Variants in PCGF5 observed in about 807,000 individuals in gnomAD.
The protein encoded by PCGF5 is polycomb group ring finger 5.
Under a neutral mutation model 44.3 loss-of-function variants are expected in PCGF5, and 9 were observed. The observed-to-expected ratio is 0.20, with a 90% CI of 0.12 to 0.35. PCGF5 has a LOEUF of 0.35. Among genes scored for constraint, PCGF5 ranks in the 10% least tolerant of loss-of-function variants. PCGF5 has a pLI of 1.00. For missense variants in PCGF5, 146 were observed against 305.3 expected (o/e 0.48, Z 3.89); for synonymous variants, 95 against 102.5 (o/e 0.93, Z 0.44).
chr10:91,198,316 T>A (rs1433265626), intron 1 of PCGF5, among the ~76,000 whole-genome samples: 2 of 152,240 alleles, frequency 1.3e-5, no homozygotes, highest in African/African-American at 4.8e-5. Flanking sequence ...ACCTTGGACA[T>A]CAGCATCGTT....
chr10:91,229,954 A>G (rs1476657702), intron 2 of PCGF5, among the ~76,000 whole-genome samples: 1 of 152,194 alleles, frequency 6.6e-6, no homozygotes, highest in African/African-American at 2.4e-5. Context: ...TCATTCATGA[A>G]AATGATTATA....
intron 8 of PCGF5, among the ~76,000 whole-genome samples, chr10:91,268,488 G>A (rs73312470): frequency 0.038 from 5,806 of 152,056 alleles, 356 homozygotes; most frequent in African/African-American, 0.13. Context: ...GCATCTTTGC[G>A]GGTTTTTTAT....
chr10:91,197,463 C>T (rs1437396416), intron 1 of PCGF5, among the ~76,000 whole-genome samples: 2 of 152,148 alleles, frequency 1.3e-5, no homozygotes, highest in African/African-American at 4.8e-5. Flanking sequence ...TTCCTGTGGT[C>T]CGGGCATTGT....
intron 1 of PCGF5, among the ~76,000 whole-genome samples, chr10:91,213,531 C>T (rs578171682): frequency 1.3e-5 from 2 of 152,136 alleles, no homozygotes; most frequent in South Asian, 2.1e-4. Context: ...ATGGCGTGAT[C>T]TTGGCTCACT....
intron 9 of PCGF5, among the ~76,000 whole-genome samples, chr10:91,276,968 G>C (rs1024863528): frequency 7.2e-5 from 11 of 152,180 alleles, no homozygotes; most frequent in African/African-American, 2.4e-4. Context: ...ATCTGATTCA[G>C]GGGGAACTAA....
At chr10:91,245,413 G>T (rs1419443620) in intron 3 of PCGF5, among the ~76,000 whole-genome samples, 2 of 151,706 alleles carry the variant, frequency 1.3e-5, no homozygotes, top group Non-Finnish European at 2.9e-5. Flanking sequence ...AGGAGGGAGA[G>T]GAATTAGCAA....
the PCGF5 span, among the ~76,000 whole-genome samples, chr10:91,156,532 C>A: frequency 6.6e-6 from 1 of 152,154 alleles, no homozygotes; most frequent in Non-Finnish European, 1.5e-5. Context: ...GTTCTATCCA[C>A]GAGAAAGCCC....
intron 9 of PCGF5, among the ~76,000 whole-genome samples, chr10:91,277,382 A>G (rs1024805362): frequency 2.0e-5 from 3 of 152,242 alleles, no homozygotes; most frequent in Non-Finnish European, 4.4e-5. Context: ...TGATTCCATA[A>G]AAGTAGCTCC....
At chr10:91,236,736 A>G (rs913198644) in intron 2 of PCGF5, among the ~76,000 whole-genome samples, 4 of 152,230 alleles carry the variant, frequency 2.6e-5, no homozygotes, top group Non-Finnish European at 1.5e-5. Flanking sequence ...TGGGAAACCA[A>G]ATCCTCATTT....
At chr10:91,216,729 G>A (rs1844548227), upstream of PCGF5, among the ~76,000 whole-genome samples, 1 of 152,184 alleles carries the variant, frequency 6.6e-6, no homozygotes, top group South Asian at 2.1e-4. Context: ...TTATTGGATT[G>A]TGGGAGAGGG....
intron 1 of PCGF5, among the ~76,000 whole-genome samples, chr10:91,190,538 A>G (rs1332061673): frequency 7.2e-5 from 11 of 152,236 alleles, no homozygotes; most frequent in Non-Finnish European, 1.3e-4. Flanking sequence ...GATTCTGGAA[A>G]GTTATGAAAC....
rs185615722 is a variant in PCGF5, at chr10:91,279,741, C to T, written c.*1425C>T. 383 of 152,158 alleles carry T rather than the reference C, an allele frequency of 2.5e-3. 3 individuals carry two copies. The highest frequency in any genetic ancestry group is 8.5e-3 in the African/African-American group (355 of 41,544). 9.4% of individuals were successfully genotyped at this position (152,158 alleles called of 1,614,324 possible). On this transcript the variant is annotated 3_prime_UTR_variant, in exon 10 of 10. Coordinates refer to ENST00000336126, the MANE Select transcript of PCGF5 (RefSeq NM_032373.5). ...TAGGAAAAATATTTGAGAAATATGACGAGCACAATCTGTGTGTTACACACA... is the reference window on the plus strand; with the variant it reads ...TAGGAAAAATATTTGAGAAATATGATGAGCACAATCTGTGTGTTACACACA...
Position 91,177,091 on chromosome 10 carries a change from A to G in PCGF5, c.-184+14010A>G, listed in dbSNP as rs556018904. Among the ~76,000 whole-genome samples, 1,167 of 144,022 alleles carry G rather than the reference A, an allele frequency of 8.1e-3. 14 individuals carry two copies. The highest frequency in any genetic ancestry group is 0.029 in the African/African-American group (1,121 of 38,746). The allele number at this position is 144,022 out of a possible 152,430, so 94.5% of individuals were successfully genotyped here. Reference sequence around the variant, plus strand: ...ACGTACAGATGGGGTTTTGGTGTGGATGTCCTTTCTGTTTGTTAGTTTTCC... The same window carrying G: ...ACGTACAGATGGGGTTTTGGTGTGGGTGTCCTTTCTGTTTGTTAGTTTTCC... On this transcript the variant is annotated intron_variant, in intron 1 of 9. Transcript: ENST00000614189.
intron 1 of PCGF5, among the ~76,000 whole-genome samples, chr10:91,179,334 A>T (rs551164965): frequency 3.0e-4 from 46 of 152,162 alleles, no homozygotes; most frequent in East Asian, 1.5e-3. Flanking sequence ...TTCTTTTTTA[A>T]AAAAAAATTA....
chr10:91,195,260 C>CT (rs1014812637), intron 1 of PCGF5, among the ~76,000 whole-genome samples: 3 of 150,822 alleles, frequency 2.0e-5, no homozygotes, highest in Non-Finnish European at 2.9e-5. Flanking sequence ...AAAAGTGCCT[C>CT]TGAACATTAG....
intron 6 of PCGF5, among the ~76,000 whole-genome samples, chr10:91,256,174 TTTAAA>T (rs1419651557): frequency 6.6e-6 from 1 of 152,038 alleles, no homozygotes; most frequent in East Asian, 1.9e-4. Flanking sequence ...AAATTATCTA[TTTAAA>T]TATGCACAAA....
chr10:91,259,139 T>C (rs995065668), intron 6 of PCGF5, among the ~76,000 whole-genome samples: 9 of 152,174 alleles, frequency 5.9e-5, no homozygotes, highest in Non-Finnish European at 1.3e-4. Context: ...ATTTTAGTGA[T>C]AGTCAAGCTT....
At chr10:91,167,981 G>A (rs369751375) in intron 1 of PCGF5, among the ~76,000 whole-genome samples, 19 of 152,250 alleles carry the variant, frequency 1.2e-4, no homozygotes, top group East Asian at 3.9e-4. Context: ...GTTGATGTTG[G>A]CAAGGATTGA....
At position 91,251,380 on chromosome 10, in the gene PCGF5, A is replaced by G. The variant is rs1342882784; in HGVS notation, c.414A>G (p.Gln138=). Residue 138 remains glutamine, a synonymous_variant, in exon 6 of 10, where the codon CAA becomes CAG. Transcript: ENST00000336126. ...AAGATTATCACAGAAGTGACCCACA[A>G]ATTGCTATCTGTCTAGATTGTTTAC... is the stretch of plus-strand genomic sequence containing the variant. ...DDKDYHRSDP[Q]IAICLDCLRN... 6.2e-7 allele frequency: 1 copy of G among 1,611,406 alleles called. No homozygotes were observed. The highest frequency in any genetic ancestry group is 8.5e-7 in the Non-Finnish European group (1 of 1,178,286).
Sources: allele counts gnomAD v4.1 joint callset (sites outside exome capture counted in the v4.1 genomes callset), GRCh38; gene constraint gnomAD v4.1.1; transcripts MANE v1.5; gene names NCBI Gene and HGNC (gene_info 2026-07-23, HGNC 2026-07-21).